The following TEAD1 variants were observed in gnomAD, a reference collection of about 807,000 sequenced individuals.
TEAD1 encodes transcriptional enhancer factor TEF-1.
In TEAD1, 9 loss-of-function variants were observed where a neutral mutation model predicts 54.9. The ratio of observed to expected loss-of-function variants is 0.16; its 90% confidence interval spans 0.10 to 0.29. The LOEUF (loss-of-function observed/expected upper bound fraction) is 0.29. Among genes scored for constraint, TEAD1 ranks in the 10% least tolerant of loss-of-function variants. The pLI is 1.00. For synonymous variants in TEAD1, 200 were observed against 187.8 expected (o/e 1.07, Z -0.53); for missense variants, 387 against 535.9 (o/e 0.72, Z 2.74).
chr11:12,941,923 A>G lies in TEAD1; in HGVS notation c.*4701A>G, dbSNP rs984662500. The G allele has an allele frequency of 3.9e-5, 6 of 152,538 alleles. No homozygotes were observed. The highest frequency in any genetic ancestry group is 5.9e-5 in the Non-Finnish European group (4 of 68,022). 9.4% of individuals were successfully genotyped at this position (152,538 alleles called of 1,614,324 possible). On this transcript the variant is annotated 3_prime_UTR_variant, in exon 13 of 13. Coordinates refer to ENST00000527636, the MANE Select transcript of TEAD1 (RefSeq NM_021961.6). ...ATGCCGCCAGCCTTTTCTTACACCA[A>G]TTCCTAATGTTCATTTACGAATTGG...
intron 9 of TEAD1, among the ~76,000 whole-genome samples, chr11:12,895,201 C>G (rs936984903): frequency 2.6e-5 from 4 of 152,136 alleles, no homozygotes; most frequent in African/African-American, 7.2e-5. Flanking sequence ...CTTTATTAAC[C>G]CCCCCCGGGT....
chr11:12,848,237 C>G (rs1213115176), intron 3 of TEAD1, among the ~76,000 whole-genome samples: 1 of 152,144 alleles, frequency 6.6e-6, no homozygotes, highest in Non-Finnish European at 1.5e-5. Flanking sequence ...AGAGCCTAGC[C>G]TAATTCCTTT....
intron 9 of TEAD1, among the ~76,000 whole-genome samples, chr11:12,893,992 C>G (rs539037286): frequency 3.3e-5 from 5 of 152,296 alleles, no homozygotes; most frequent in African/African-American, 1.2e-4. Context: ...CCACCGCAGG[C>G]TGCCCAGCCT....
chr11:12,920,637 G>A (rs1948787730), intron 10 of TEAD1, among the ~76,000 whole-genome samples: 1 of 152,146 alleles, frequency 6.6e-6, no homozygotes, highest in Admixed American at 6.5e-5. Context: ...CACCCAGCTT[G>A]CTAGACTGCA....
In TEAD1 at chr11:12,941,115, T is replaced by G. The variant is rs1590010321; in HGVS notation, c.*3893T>G. On this transcript the variant is annotated 3_prime_UTR_variant, in exon 13 of 13. Coordinates refer to ENST00000527636, the MANE Select transcript of TEAD1 (RefSeq NM_021961.6). Reference sequence around the variant, plus strand: ...GCTGCTGTTCTTAGGTGCTCTAAGCTTAATCCCTCAGAATGTGTGGACAGG... The same window carrying G: ...GCTGCTGTTCTTAGGTGCTCTAAGCGTAATCCCTCAGAATGTGTGGACAGG... 6.6e-6 allele frequency: 1 copy of G among 152,356 alleles called. No homozygotes were observed. Among genetic ancestry groups the G allele is most frequent in the Non-Finnish European group, 1.5e-5 (1 of 68,074 alleles). The allele number at this position is 152,356 out of a possible 1,614,324, so 9.4% of individuals were successfully genotyped here.
intron 3 of TEAD1, among the ~76,000 whole-genome samples, chr11:12,800,354 G>A (rs1008698916): frequency 1.3e-5 from 2 of 152,228 alleles, no homozygotes; most frequent in Non-Finnish European, 2.9e-5. Context: ...GTTTAGTTCA[G>A]TGTAGCAAGC....
chr11:12,749,691 C>T (rs1253947376), intron 2 of TEAD1, among the ~76,000 whole-genome samples: 1 of 152,176 alleles, frequency 6.6e-6, no homozygotes, highest in Non-Finnish European at 1.5e-5. Flanking sequence ...GGCGTCTTGC[C>T]CCCACTGAAT....
chr11:12,927,711 TATC>T (rs1196562129), intron 11 of TEAD1, among the ~76,000 whole-genome samples: 2 of 152,132 alleles, frequency 1.3e-5, no homozygotes, highest in Non-Finnish European at 2.9e-5. Context: ...AATAAGATTT[TATC>T]ATTTTCATTA....
At chr11:12,707,322 G>C (rs769095758) in intron 2 of TEAD1, among the ~76,000 whole-genome samples, 13 of 152,016 alleles carry the variant, frequency 8.6e-5, no homozygotes, top group Non-Finnish European at 1.2e-4. Flanking sequence ...CCAGCTGCCT[G>C]CCTCTATGTG....
chr11:12,720,740 G>A (rs183535477), intron 2 of TEAD1, among the ~76,000 whole-genome samples: 25 of 152,310 alleles, frequency 1.6e-4, no homozygotes, highest in Admixed American at 1.4e-3. Flanking sequence ...ATTTGCTTCT[G>A]AAGTGTTTGT....
intron 2 of TEAD1, among the ~76,000 whole-genome samples, chr11:12,752,239 C>CA (rs1944890443): frequency 3.0e-5 from 2 of 65,974 alleles, no homozygotes; most frequent in African/African-American, 1.1e-4. Context: ...TTTTTCATTT[C>CA]TTTCTTTTTT....
intron 3 of TEAD1, among the ~76,000 whole-genome samples, chr11:12,791,287 G>A (rs1945797568): frequency 6.6e-6 from 1 of 152,196 alleles, no homozygotes; most frequent in South Asian, 2.1e-4. Context: ...CAGGGCTTCT[G>A]TAGAAACCTT....
intron 3 of TEAD1, among the ~76,000 whole-genome samples, chr11:12,802,552 C>T (rs1946080832): frequency 6.6e-6 from 1 of 152,158 alleles, no homozygotes; most frequent in Non-Finnish European, 1.5e-5. Flanking sequence ...AGGAAAGTGC[C>T]TGACTGGTGG....
At chr11:12,724,440 G>C (rs745331812) in intron 2 of TEAD1, among the ~76,000 whole-genome samples, 1 of 152,234 alleles carries the variant, frequency 6.6e-6, no homozygotes, top group African/African-American at 2.4e-5. Flanking sequence ...CTGTGGAGGC[G>C]TATGCCAGCT....
At chr11:12,937,073 C>T in intron 12 of TEAD1, 36 bp from the exon 13 acceptor site, 1 of 1,404,140 alleles carries the variant, frequency 7.1e-7, no homozygotes, top group Non-Finnish European at 1.0e-6. Context: ...TGTTTTCATC[C>T]TTTTGGTATT....
chr11:12,734,643 A>G (rs1289205111), intron 2 of TEAD1, among the ~76,000 whole-genome samples: 1 of 152,178 alleles, frequency 6.6e-6, no homozygotes, highest in East Asian at 1.9e-4. Flanking sequence ...ATGTGTAGCT[A>G]TGTTTAGATA....
rs142608655 is a variant in TEAD1, at chr11:12,907,957, G to A, written c.873+5844G>A. Among the ~76,000 whole-genome samples the A allele has an allele frequency of 4.3e-3, 662 of 152,302 alleles. 4 individuals carry two copies. Among genetic ancestry groups the A allele is most frequent in the African/African-American group, 0.015 (609 of 41,560 alleles). On this transcript the variant is annotated intron_variant, in intron 10 of 12. Coordinates refer to ENST00000527636, the MANE Select transcript of TEAD1 (RefSeq NM_021961.6). Reference sequence around the variant, plus strand: ...TGATTGCTGAAGGATAGCAGCCTTGGTAGTTTCTCTTTGAAGTCCTGTCAT... The same window carrying A: ...TGATTGCTGAAGGATAGCAGCCTTGATAGTTTCTCTTTGAAGTCCTGTCAT...
chr11:12,725,741 C>T (rs372949909), intron 2 of TEAD1, among the ~76,000 whole-genome samples: 4 of 152,110 alleles, frequency 2.6e-5, no homozygotes, highest in African/African-American at 9.6e-5. Flanking sequence ...AGAAAGAAAC[C>T]CTGAAGATTG....
chr11:12,884,216 A>G (rs558919013), intron 9 of TEAD1, among the ~76,000 whole-genome samples: 111 of 151,776 alleles, frequency 7.3e-4, no homozygotes, highest in Non-Finnish European at 7.9e-4. Context: ...TTCCCACCCA[A>G]CAAGCCCCGT....
Sources: gnomAD v4.1 joint callset for allele counts (sites outside exome capture counted in the v4.1 genomes callset) on GRCh38, gnomAD v4.1.1 for gene constraint, MANE v1.5 for transcripts, NCBI Gene and HGNC (gene_info 2026-07-23, HGNC 2026-07-21) for gene names.